PRKD1: variants seen among roughly 807,000 people sequenced by gnomAD.
PRKD1 encodes the protein serine/threonine-protein kinase D1.
A neutral mutation model predicts 95.9 loss-of-function variants in PRKD1; 63 were observed. That is an observed-to-expected ratio of 0.66 (90% CI 0.54 to 0.81). The LOEUF is 0.81. PRKD1 is among the 30% of genes least tolerant of loss of function. The probability of loss-of-function intolerance (pLI) is 0.00; values close to 1 mark genes in which losing one functional copy is unlikely to be tolerated. For synonymous variants in PRKD1, 425 were observed against 423.1 expected, an observed-to-expected ratio of 1.00 and a Z score of -0.05; for missense variants, 1,048 against 1,165.3, an observed-to-expected ratio of 0.90 and a Z score of 1.47.
chr14:29,599,694 T>G lies in PRKD1; in HGVS notation c.2029A>C (p.Arg677=), dbSNP rs1160063883. 1 of 1,613,418 alleles carries G rather than the reference T, an allele frequency of 6.2e-7. No individual in the cohort carries two copies. Among genetic ancestry groups the G allele is most frequent in the Non-Finnish European group, 8.5e-7 (1 of 1,179,744 alleles). Residue 677 remains arginine (R), a synonymous_variant, in exon 14 of 18, where the codon AGG becomes CGG. Coordinates refer to ENST00000331968, the MANE Select transcript of PRKD1 (RefSeq NM_002742.3). ...LEMILSSEKG[R]LPEHITKFLI... The stretch of plus-strand genomic sequence containing the variant: ...AACTTCGTTATGTGCTCTGGCAACC[T>G]GCCCTTTTCACTTGACAAGATCATT...
At chr14:29,801,518 G>A (rs1397775738) in intron 1 of PRKD1, among the ~76,000 whole-genome samples, 2 of 152,174 alleles carry the variant, frequency 1.3e-5, no homozygotes, top group African/African-American at 4.8e-5. Flanking sequence ...CACTAACAGT[G>A]TGGTTTTAAG....
At chr14:29,867,720 G>A (rs1310600692) in intron 1 of PRKD1, among the ~76,000 whole-genome samples, 2 of 152,218 alleles carry the variant, frequency 1.3e-5, no homozygotes, top group South Asian at 2.1e-4. Flanking sequence ...AATGAGCCAG[G>A]GGGTATCTGC....
At chr14:29,843,498 T>C (rs1891950817) in intron 1 of PRKD1, among the ~76,000 whole-genome samples, 1 of 152,204 alleles carries the variant, frequency 6.6e-6, no homozygotes, top group African/African-American at 2.4e-5. Context: ...AAATGTCTTC[T>C]ACAGCCTGGT....
chr14:29,588,354 A>G (rs2138977635), intron 16 of PRKD1, among the ~76,000 whole-genome samples: 1 of 152,254 alleles, frequency 6.6e-6, no homozygotes, highest in Admixed American at 6.5e-5. Flanking sequence ...CTGGGCTTTT[A>G]TTTAGCTTTG....
chr14:29,646,587 A>T (rs1377829578), intron 4 of PRKD1, among the ~76,000 whole-genome samples: 1 of 151,062 alleles, frequency 6.6e-6, no homozygotes, highest in Non-Finnish European at 1.5e-5. Flanking sequence ...TTTTCAGGAC[A>T]CTTCAGTCCT....
intron 1 of PRKD1, among the ~76,000 whole-genome samples, chr14:29,783,361 G>A (rs375758664): frequency 4.6e-5 from 7 of 152,186 alleles, no homozygotes; most frequent in South Asian, 4.1e-4. Flanking sequence ...GTGTTCTGTT[G>A]TACATATATT....
intron 1 of PRKD1, among the ~76,000 whole-genome samples, chr14:29,748,044 A>G (rs937748479): frequency 2.4e-4 from 36 of 152,154 alleles, no homozygotes; most frequent in African/African-American, 8.2e-4. Context: ...ACGCCCGGCC[A>G]AAAACTTTAC....
intron 2 of PRKD1, among the ~76,000 whole-genome samples, chr14:29,680,860 G>C (rs1883500459): frequency 6.6e-6 from 1 of 152,180 alleles, no homozygotes; most frequent in Non-Finnish European, 1.5e-5. Flanking sequence ...GAAAGAAGTA[G>C]ATGGAGGAAT....
In PRKD1 at chr14:29,577,423, C is replaced by A. The variant is rs367573850; in HGVS notation, c.2554G>T (p.Glu852Ter). ...ATGTAGCGCTCCCCGATTTTGCATTCCAGCTCTCGCAAATCTAACCAGGTC... is the reference window on the plus strand; with the variant it reads ...ATGTAGCGCTCCCCGATTTTGCATTACAGCTCTCGCAAATCTAACCAGGTC... ...YQTWLDLREL[E>*]CKIGERYITH... The change falls in exon 18 of 18, where the codon GAA becomes TAA. Residue 852 changes from glutamate to a stop codon, truncating the protein, a stop_gained. Transcript: ENST00000331968. LOFTEE classifies it high-confidence loss of function. 1.9e-6 allele frequency: 3 copies of A among 1,613,656 alleles called. No individual in the cohort carries two copies. In the African/African-American group the frequency reaches 4.0e-5, roughly 22 times the overall value.
intron 2 of PRKD1, among the ~76,000 whole-genome samples, chr14:29,688,978 GA>G (rs1311779307): frequency 3.9e-5 from 5 of 129,742 alleles, no homozygotes; most frequent in East Asian, 2.2e-4. Flanking sequence ...AAAAAAGAAA[GA>G]AAAAAAAGAA....
Position 29,631,233 on chromosome 14 carries a change from G to A in PRKD1, c.1393-212C>T, listed in dbSNP as rs45455392. Among the ~76,000 whole-genome samples, 1,286 of 152,188 alleles carry A rather than the reference G, an allele frequency of 8.5e-3. 22 individuals are homozygous for A. The highest frequency in any genetic ancestry group is 0.03 in the African/African-American group (1,225 of 41,512). On this transcript the variant is annotated intron_variant, in intron 9 of 17. Coordinates refer to ENST00000331968, the MANE Select transcript of PRKD1 (RefSeq NM_002742.3). ...CTTATTTCCTTTTTCTAGAAAATGT[G>A]ACTTTTTATGCTATGTTCATGTGGC... is the stretch of plus-strand genomic sequence containing the variant.
intron 2 of PRKD1, among the ~76,000 whole-genome samples, chr14:29,691,442 C>T (rs1884227826): frequency 6.6e-6 from 1 of 152,202 alleles, no homozygotes; most frequent in Admixed American, 6.5e-5. Flanking sequence ...AAGTTAAAAA[C>T]CACTGATGTG....
chr14:29,851,405 TA>T (rs1422040183), intron 1 of PRKD1, among the ~76,000 whole-genome samples: 5 of 151,350 alleles, frequency 3.3e-5, no homozygotes, highest in Non-Finnish European at 5.9e-5. Flanking sequence ...AACAAAACAT[TA>T]AAAAGTGGGC....
chr14:29,788,148 A>C (rs1487477838), intron 1 of PRKD1, among the ~76,000 whole-genome samples: 3 of 152,092 alleles, frequency 2.0e-5, no homozygotes, highest in African/African-American at 7.2e-5. Context: ...CTGAAAAATA[A>C]TTTATTTCTC....
chr14:29,733,113 T>G (rs1016549822), intron 1 of PRKD1, among the ~76,000 whole-genome samples: 1 of 150,702 alleles, frequency 6.6e-6, no homozygotes, highest in Non-Finnish European at 1.5e-5. Flanking sequence ...TATTTATTTT[T>G]TTTTTTTGAG....
chr14:29,629,123 C>CAAAAAGTCAGT lies in PRKD1; in HGVS notation c.1673-41_1673-31dup, dbSNP rs775045874. ...AAATGCATGTAAAACAATATGCACA[C>CAAAAAGTCAGT]AAAAAGTCAGTAAGAGATGTAATAG... is the stretch of plus-strand genomic sequence containing the variant. On this transcript the variant is annotated intron_variant, in intron 10 of 17. Coordinates refer to ENST00000331968, the MANE Select transcript of PRKD1 (RefSeq NM_002742.3). 5 of 1,577,894 alleles carry CAAAAAGTCAGT rather than the reference C, an allele frequency of 3.2e-6. No individual in the cohort carries two copies. In the South Asian group the frequency reaches 5.7e-5, roughly 18 times the overall value.
intron 1 of PRKD1, among the ~76,000 whole-genome samples, chr14:29,879,658 T>C (rs1189387470): frequency 6.6e-6 from 1 of 152,102 alleles, no homozygotes; most frequent in East Asian, 1.9e-4. Context: ...TTGGAACAGT[T>C]TGGAGGGCTC....
At chr14:29,823,681 A>C (rs1038077923) in intron 1 of PRKD1, among the ~76,000 whole-genome samples, 3 of 152,220 alleles carry the variant, frequency 2.0e-5, no homozygotes, top group African/African-American at 7.2e-5. Flanking sequence ...AAAGCTCTTA[A>C]GTAACAGGTC....
At chr14:29,661,915 G>T (rs10138257) in intron 4 of PRKD1, among the ~76,000 whole-genome samples, 10,823 of 152,138 alleles carry the variant, frequency 0.071, 522 homozygotes, top group South Asian at 0.22. Flanking sequence ...TTATAAAATA[G>T]ATTTTAAGCA....
Sources: allele counts gnomAD v4.1 joint callset (sites outside exome capture counted in the v4.1 genomes callset), GRCh38; gene constraint gnomAD v4.1.1; transcripts MANE v1.5; gene names NCBI Gene and HGNC (gene_info 2026-07-23, HGNC 2026-07-21).